XK: variants seen among roughly 807,000 people sequenced by gnomAD.
XK encodes the protein endoplasmic reticulum membrane adapter protein XK.
In XK, 2 loss-of-function variants were observed where a neutral mutation model predicts 14.0. The observed-to-expected ratio is 0.14, with a 90% CI of 0.06 to 0.45. The LOEUF (loss-of-function observed/expected upper bound fraction) is 0.45. Ranked by LOEUF, XK falls within the 20% of genes least tolerant of loss-of-function variation. The pLI is 0.98. For missense variants in XK, 235 were observed against 341.5 expected (o/e 0.69, Z 2.46); for synonymous variants, 149 against 147.5 (o/e 1.01, Z -0.08).
At chrX:37,708,772 G>T (rs1488494913) in intron 2 of XK, among the ~76,000 whole-genome samples, 1 of 112,268 alleles carries the variant, frequency 8.9e-6, no homozygotes, top group Non-Finnish European at 1.9e-5. Context: ...ACACAAAATT[G>T]TGTTCCTTTC....
At chrX:37,691,120 T>C (rs1927194127) in intron 1 of XK, among the ~76,000 whole-genome samples, 1 of 112,405 alleles carries the variant, frequency 8.9e-6, no homozygotes, top group Admixed American at 9.4e-5. Context: ...GCCTGAGCTT[T>C]AGGACCTTCT....
chrX:37,705,814 G>A (rs1556445008), intron 2 of XK, among the ~76,000 whole-genome samples: 2 of 105,186 alleles, frequency 1.9e-5, no homozygotes, highest in African/African-American at 3.5e-5. Context: ...GTGCAGTGGT[G>A]CAATCATGGC....
chrX:37,723,428 T>C (rs782520561), intron 2 of XK, among the ~76,000 whole-genome samples: 1 of 111,558 alleles, frequency 9.0e-6, no homozygotes, highest in East Asian at 2.8e-4. Context: ...CATTTCTATC[T>C]GTGACATTTT....
intron 2 of XK, among the ~76,000 whole-genome samples, chrX:37,704,703 T>G (rs1189470756): frequency 9.0e-6 from 1 of 111,135 alleles, no homozygotes; most frequent in Non-Finnish European, 1.9e-5. Context: ...GGCTTGGTGG[T>G]GCATGCCTGT....
At chrX:37,715,479 A>AT (rs1927749237) in intron 2 of XK, among the ~76,000 whole-genome samples, 1 of 111,799 alleles carries the variant, frequency 8.9e-6, no homozygotes, top group African/African-American at 3.2e-5. Context: ...TAGTTTATTC[A>AT]TTTTTGTGGC....
intron 2 of XK, among the ~76,000 whole-genome samples, chrX:37,724,675 G>A (rs1927941989): frequency 9.0e-6 from 1 of 111,255 alleles, no homozygotes; most frequent in South Asian, 3.7e-4. Context: ...AAAAATTCCT[G>A]CTCTGCAGAA....
intron 2 of XK, among the ~76,000 whole-genome samples, chrX:37,705,420 C>T (rs1927503215): frequency 9.2e-6 from 1 of 108,609 alleles, no homozygotes; most frequent in South Asian, 4.1e-4. Context: ...CCACTGGACT[C>T]CAGCCTGGGT....
At chrX:37,721,001 G>C (rs990545635) in intron 2 of XK, among the ~76,000 whole-genome samples, 58 of 110,819 alleles carry the variant, frequency 5.2e-4, no homozygotes, top group African/African-American at 1.8e-3. Context: ...TTTTAATATG[G>C]TTTATTTTTC....
rs2146834720 is a variant in XK at position 37,728,106 on chromosome X, G to A, written c.979G>A (p.Glu327Lys). 1 of 1,211,198 alleles carries A rather than the reference G, an allele frequency of 8.3e-7. No homozygotes were observed. Among genetic ancestry groups the A allele is most frequent in the Non-Finnish European group, 1.1e-6 (1 of 895,339 alleles). The change falls in exon 3 of 3, where the codon GAG becomes AAG. Residue 327 changes from glutamate to lysine, a missense_variant. Glu to Lys is a moderately conservative substitution (Grantham distance 56). Transcript: ENST00000378616. The part of the protein sequence containing the change: ...LLVYYMIRFI[E>K]NAILLLLWYL... ...GGTGTATTACATGATAAGATTCATC[G>A]AGAATGCCATCCTCCTCCTCCTGTG... is the stretch of plus-strand genomic sequence containing the variant.
At chrX:37,726,828 T>A (rs1436595486) in intron 2 of XK, among the ~76,000 whole-genome samples, 1 of 111,977 alleles carries the variant, frequency 8.9e-6, no homozygotes, top group Non-Finnish European at 1.9e-5. Context: ...TTTCTTCAGC[T>A]CCCCACAGAA....
chrX:37,687,620 A>G (rs1556440570), intron 1 of XK, among the ~76,000 whole-genome samples: 1 of 110,050 alleles, frequency 9.1e-6, no homozygotes. Flanking sequence ...CAGGCCTCCC[A>G]AAGTGCTGGA....
chrX:37,706,517 C>T (rs1287827087), intron 2 of XK, among the ~76,000 whole-genome samples: 5 of 110,943 alleles, frequency 4.5e-5, no homozygotes, highest in African/African-American at 1.6e-4. Flanking sequence ...CACTTTATAT[C>T]TGCAAAGGGA....
intron 2 of XK, among the ~76,000 whole-genome samples, chrX:37,699,065 C>A (rs1279284403): frequency 1.8e-5 from 2 of 112,477 alleles, no homozygotes; most frequent in Non-Finnish European, 3.8e-5. Context: ...GATTACTCTG[C>A]AAAATGTATT....
chrX:37,691,910 G>A (rs1432485242), intron 1 of XK, among the ~76,000 whole-genome samples: 6 of 111,233 alleles, frequency 5.4e-5, no homozygotes, highest in Admixed American at 9.6e-5. Context: ...AGGGTCCCTT[G>A]AGGCCAGCAG....
intron 2 of XK, among the ~76,000 whole-genome samples, chrX:37,720,226 C>G (rs782715097): frequency 8.1e-5 from 9 of 110,836 alleles, no homozygotes; most frequent in African/African-American, 2.9e-4. Flanking sequence ...AGGGAAAAGG[C>G]AGCTTCAGAA....
Position 37,698,124 on chromosome X carries a change from T to C in XK, c.508+3576T>C, listed in dbSNP as rs940730542. ...TGTTACTGTGCTTTGTGAAGGCCCC[T>C]GCAGCCTGCCATTTGGCTTGCCTGG... On this transcript the variant is annotated intron_variant, in intron 2 of 2. Coordinates refer to ENST00000378616, the MANE Select transcript of XK (RefSeq NM_021083.4). 7.1e-5 allele frequency among the ~76,000 whole-genome samples: 8 copies of C among 112,039 alleles called. 1 individual carries two copies. Among genetic ancestry groups the C allele is most frequent in the Non-Finnish European group, 1.5e-4 (8 of 53,217 alleles).
At position 37,685,900 on chromosome X, in the gene XK, G is replaced by A. The variant is rs970862715; in HGVS notation, c.-62G>A. The stretch of plus-strand genomic sequence containing the variant: ...AGCCCCTCGGGCAACGGCCGCCGCC[G>A]CCACAGCCACACAGCCGCCGCCACT... On this transcript the variant is annotated 5_prime_UTR_variant, in exon 1 of 3. Transcript: ENST00000378616. 2 of 1,149,061 alleles carry A rather than the reference G, an allele frequency of 1.7e-6. No homozygotes were observed. Among genetic ancestry groups the A allele is most frequent in the South Asian group, 1.9e-5 (1 of 52,410 alleles). 94.7% of individuals were successfully genotyped at this position (1,149,061 alleles called of 1,213,427 possible).
intron 2 of XK, among the ~76,000 whole-genome samples, chrX:37,697,781 A>ACAC (rs782124223): frequency 1.8e-5 from 2 of 112,154 alleles, no homozygotes; most frequent in East Asian, 5.6e-4. Flanking sequence ...CATTTTCATC[A>ACAC]CACCAAAAAT....
chrX:37,720,269 G>C (rs1405833062), intron 2 of XK, among the ~76,000 whole-genome samples: 1 of 110,386 alleles, frequency 9.1e-6, no homozygotes, highest in Non-Finnish European at 1.9e-5. Context: ...TCTTTCAAAA[G>C]TCTTAGCCCC....
Sources: gnomAD v4.1 joint callset for allele counts (sites outside exome capture counted in the v4.1 genomes callset) on GRCh38, gnomAD v4.1.1 for gene constraint, MANE v1.5 for transcripts, NCBI Gene and HGNC (gene_info 2026-07-23, HGNC 2026-07-21) for gene names.